The following MYO18B variants were observed in gnomAD, a reference collection of about 807,000 sequenced individuals.
MYO18B encodes the protein unconventional myosin-XVIIIb.
In MYO18B, 204 loss-of-function variants were observed where a neutral mutation model predicts 273.0. That is an observed-to-expected ratio of 0.75 (90% CI 0.67 to 0.84). MYO18B has a LOEUF of 0.84. MYO18B is among the 40% of genes least tolerant of loss of function. MYO18B has a pLI of 0.00. For synonymous variants in MYO18B, 1,330 were observed against 1,305.7 expected (o/e 1.02, Z -0.40); for missense variants, 3,212 against 3,287.6 (o/e 0.98, Z 0.56).
intron 18 of MYO18B, 124 bp downstream of exon 18, chr22:25,844,018 C>G: frequency 1.2e-6 from 1 of 812,030 alleles, no homozygotes; most frequent in South Asian, 2.4e-5. Flanking sequence ...CCCATCCCTC[C>G]ATAATGGAGC....
intron 9 of MYO18B, 39 bp downstream of exon 9, chr22:25,780,237 G>T (rs1388925568): frequency 1.3e-6 from 2 of 1,575,184 alleles, no homozygotes. Flanking sequence ...GGCCCTTGGG[G>T]CTGCTGTGTC....
chr22:25,780,590 C>CAAAAAA (rs59082074), intron 9 of MYO18B, among the ~76,000 whole-genome samples: 3 of 65,206 alleles, frequency 4.6e-5, no homozygotes, highest in South Asian at 7.4e-4. Context: ...AACTCCATCT[C>CAAAAAA]AAAAAAAAAA....
intron 22 of MYO18B, among the ~76,000 whole-genome samples, chr22:25,871,206 A>C (rs1463902088): frequency 6.6e-6 from 1 of 152,168 alleles, no homozygotes; most frequent in Non-Finnish European, 1.5e-5. Flanking sequence ...AGGCTCCACC[A>C]CTTCCTAACT....
chr22:25,855,760 A>C lies in MYO18B; in HGVS notation c.3885+4181A>C, dbSNP rs184913084. Among the ~76,000 whole-genome samples the C allele has an allele frequency of 1.4e-3, 214 of 151,848 alleles. 1 individual carries two copies. The highest frequency in any genetic ancestry group is 1.4e-3 in the Non-Finnish European group (92 of 67,970). On this transcript the variant is annotated intron_variant, in intron 21 of 43. Coordinates refer to ENST00000335473, the MANE Select transcript of MYO18B (RefSeq NM_032608.7). ...TAGAAGGATTTCTATTCCTTCAGCT[A>C]TATGCCCAGTAATGGGGTTGCTGGG...
rs182095583 is a variant in MYO18B, at chr22:25,932,612, G to A, written c.5517+11203G>A. ...TTTAGTAGAGACGGGATTTCTCCACGTTGGTCAGGCTGGTCTCAAACTCCC... is the reference window on the plus strand; with the variant it reads ...TTTAGTAGAGACGGGATTTCTCCACATTGGTCAGGCTGGTCTCAAACTCCC... On this transcript the variant is annotated intron_variant, in intron 34 of 43. Coordinates refer to ENST00000335473, the MANE Select transcript of MYO18B (RefSeq NM_032608.7). Among the ~76,000 whole-genome samples, 9 of 152,016 alleles carry A rather than the reference G, an allele frequency of 5.9e-5. No homozygotes were observed. The East Asian group carries it at 1.4e-3, about 23-fold the overall frequency.
intron 13 of MYO18B, 24 bp downstream of exon 13, chr22:25,823,702 G>T: frequency 1.2e-6 from 2 of 1,613,292 alleles, no homozygotes; most frequent in Admixed American, 1.7e-5. Context: ...GCCTCTTTGG[G>T]TGAGCTGGGC....
Position 25,868,997 on chromosome 22 carries a change from A to G in MYO18B, c.3951+612A>G, listed in dbSNP as rs373991530. On this transcript the variant is annotated intron_variant, in intron 22 of 43. Coordinates refer to ENST00000335473, the MANE Select transcript of MYO18B (RefSeq NM_032608.7). ...CATGGTATTTAGGGTTTCTCAAACT[A>G]TTTGACTGTGGAACCCCCAGCCTTT... Among the ~76,000 whole-genome samples, 37 of 152,340 alleles carry G rather than the reference A, an allele frequency of 2.4e-4. No homozygotes were observed. In the South Asian group the frequency reaches 7.7e-3, roughly 32 times the overall value.
chr22:26,023,476 CCCT>C (rs138330824), intron 42 of MYO18B, among the ~76,000 whole-genome samples: 29 of 149,022 alleles, frequency 1.9e-4, no homozygotes, highest in East Asian at 7.9e-4. Context: ...TCTTCCTCCT[CCCT>C]CCTCCTCCTC....
At chr22:25,925,763 G>C (rs990689936) in intron 34 of MYO18B, among the ~76,000 whole-genome samples, 1 of 150,408 alleles carries the variant, frequency 6.6e-6, no homozygotes, top group Non-Finnish European at 1.5e-5. Flanking sequence ...AAATTAGCCC[G>C]GTGTGGTGGT....
At chr22:25,765,676 C>T (rs746374504) in intron 3 of MYO18B, among the ~76,000 whole-genome samples, 2 of 152,068 alleles carry the variant, frequency 1.3e-5, no homozygotes, top group Non-Finnish European at 2.9e-5. Flanking sequence ...GGTGCTGTTT[C>T]CCTCTATATG....
At chr22:25,881,868 T>C (rs1351138601) in intron 25 of MYO18B, among the ~76,000 whole-genome samples, 1 of 148,408 alleles carries the variant, frequency 6.7e-6, no homozygotes, top group African/African-American at 2.5e-5. Flanking sequence ...AAATAAGAGT[T>C]GATGAGTGTA....
At chr22:25,934,579 C>T (rs1235539684) in intron 34 of MYO18B, among the ~76,000 whole-genome samples, 1 of 152,080 alleles carries the variant, frequency 6.6e-6, no homozygotes, top group Non-Finnish European at 1.5e-5. Context: ...CGGGGCACAG[C>T]TTGGTTTTAT....
At chr22:25,857,076 T>C (rs1435934564) in intron 21 of MYO18B, among the ~76,000 whole-genome samples, 2 of 152,188 alleles carry the variant, frequency 1.3e-5, no homozygotes, top group African/African-American at 4.8e-5. Flanking sequence ...TGTAATCATC[T>C]TCAGTTCCAT....
chr22:25,803,746 G>A (rs984319206), intron 12 of MYO18B, among the ~76,000 whole-genome samples: 6 of 152,196 alleles, frequency 3.9e-5, no homozygotes, highest in Non-Finnish European at 7.4e-5. Context: ...GTGATGAAAC[G>A]CAACGATGTT....
intron 40 of MYO18B, among the ~76,000 whole-genome samples, chr22:26,000,044 C>G (rs1309144038): frequency 1.3e-5 from 2 of 152,190 alleles, no homozygotes; most frequent in Admixed American, 6.5e-5. Context: ...GCTGTACCAC[C>G]AAATGAATCA....
chr22:25,827,128 T>C (rs1281377559), intron 14 of MYO18B, among the ~76,000 whole-genome samples: 1 of 152,188 alleles, frequency 6.6e-6, no homozygotes, highest in African/African-American at 2.4e-5. Context: ...AAAATCTAAG[T>C]ACTTTTGAGT....
At chr22:25,811,205 T>G in intron 12 of MYO18B, among the ~76,000 whole-genome samples, 1 of 150,456 alleles carries the variant, frequency 6.6e-6, no homozygotes, top group Non-Finnish European at 1.5e-5. Context: ...GTAGTTTTAG[T>G]AGAGATGTGG....
intron 34 of MYO18B, among the ~76,000 whole-genome samples, chr22:25,923,493 T>C (rs961945653): frequency 6.6e-6 from 1 of 152,212 alleles, no homozygotes; most frequent in African/African-American, 2.4e-5. Context: ...TGAGAAAATG[T>C]TGTCCAGAGG....
At chr22:25,813,184 C>CTT (rs66708568) in intron 12 of MYO18B, among the ~76,000 whole-genome samples, 4 of 98,610 alleles carry the variant, frequency 4.1e-5, no homozygotes, top group African/African-American at 7.7e-5. Context: ...CTTCTTCTTC[C>CTT]TTTTTTTTTT....
Sources: gnomAD v4.1 joint callset for allele counts (sites outside exome capture counted in the v4.1 genomes callset) on GRCh38, gnomAD v4.1.1 for gene constraint, MANE v1.5 for transcripts, NCBI Gene and HGNC (gene_info 2026-07-23, HGNC 2026-07-21) for gene names.